The following DNAH1 variants were observed in gnomAD, a reference collection of about 807,000 sequenced individuals.
DNAH1 encodes the protein axonemal beta dynein heavy chain 1.
A neutral mutation model predicts 484.3 loss-of-function variants in DNAH1; 327 were observed. The ratio of observed to expected loss-of-function variants is 0.68; its 90% CI spans 0.62 to 0.74. DNAH1 has a LOEUF of 0.74. DNAH1 is among the 30% of genes least tolerant of loss of function. The probability of loss-of-function intolerance (pLI) is 0.00; values close to 1 mark genes in which losing one functional copy is unlikely to be tolerated. For synonymous variants in DNAH1, 2,192 were observed against 2,191.9 expected (o/e 1.00, Z 0.00); for missense variants, 5,052 against 5,546.8 (o/e 0.91, Z 2.83).
chr3:52,394,536 G>T lies in DNAH1; in HGVS notation c.10698G>T (p.Leu3566=). ...IMTENPAPDW[L]SDRAWRDILA... ...CTGAGAATCCGGCACCGGACTGGCT[G>T]TCAGACCGGGCTTGGCGAGACATCC... Residue 3566 remains leucine, a synonymous_variant, in exon 67 of 78, where the codon CTG becomes CTT. Coordinates refer to ENST00000420323, the MANE Select transcript of DNAH1 (RefSeq NM_015512.5). 1.2e-6 allele frequency: 2 copies of T among 1,614,022 alleles called. No homozygotes were observed. The highest frequency in any genetic ancestry group is 1.7e-6 in the Non-Finnish European group (2 of 1,179,872).
At position 52,372,151 on chromosome 3, in the gene DNAH1, C is replaced by T. The variant is rs1403419962; in HGVS notation, c.6666+65C>T. The T allele has an allele frequency of 1.9e-6, 3 of 1,610,014 alleles. No individual in the cohort carries two copies. The Admixed American group carries it at 5.0e-5, about 27-fold the overall frequency. On this transcript the variant is annotated intron_variant, in intron 42 of 77. Transcript: ENST00000420323. ...GCCTATATTGGGGGTTGACCAGCCT[C>T]CCACATGGATGCAGGGGCAGCTCCT...
At chr3:52,373,838 A>G (rs1463839367) in intron 44 of DNAH1, 3 of 1,413,552 alleles carry the variant, frequency 2.1e-6, no homozygotes, top group Non-Finnish European at 3.0e-6. Flanking sequence ...CTGTTTACCC[A>G]GAAGTAGTCC....
chr3:52,345,582 C>T lies in DNAH1; in HGVS notation c.1532C>T (p.Thr511Met), dbSNP rs200623391. The change falls in exon 10 of 78, where the codon ACG becomes ATG. Residue 511 changes from threonine to methionine, a missense_variant. By Grantham distance (81) the Thr-to-Met change is moderately conservative. Coordinates refer to ENST00000420323, the MANE Select transcript of DNAH1 (RefSeq NM_015512.5). ...VSLLTRPEVI[T>M]ALSKVRAECN... Reference sequence around the variant, plus strand: ...CTGCTCACACGGCCAGAGGTCATCACGGCCCTCAGCAAGGTGAGGGCCGAG... The same window carrying T: ...CTGCTCACACGGCCAGAGGTCATCATGGCCCTCAGCAAGGTGAGGGCCGAG... 8.4e-5 allele frequency: 134 copies of T among 1,602,130 alleles called. 1 individual carries two copies. Among genetic ancestry groups the T allele is most frequent in the Non-Finnish European group, 1.1e-4 (126 of 1,174,180 alleles).
At position 52,396,616 on chromosome 3, in the gene DNAH1, A is replaced by C; in HGVS notation, c.11431-2A>C. The stretch of plus-strand genomic sequence containing the variant: ...ACCTCCCCTGCCTCCCACCTCCCCC[A>C]GGTGATGGAGTTCAAGTCTCTGCTG... On this transcript the variant is annotated splice_acceptor_variant, in intron 71 of 77. Coordinates refer to ENST00000420323, the MANE Select transcript of DNAH1 (RefSeq NM_015512.5). LOFTEE classifies it high-confidence loss of function. 1.2e-6 allele frequency: 2 copies of C among 1,608,216 alleles called. No homozygotes were observed. The highest frequency in any genetic ancestry group is 2.2e-5 in the East Asian group (1 of 44,718).
At chr3:52,372,482 T>C in intron 43 of DNAH1, 95 bp downstream of exon 43, 2 of 1,520,318 alleles carry the variant, frequency 1.3e-6, no homozygotes, top group Non-Finnish European at 1.8e-6. Context: ...TGCTCCTGGG[T>C]TTGCCAGGAA....
chr3:52,391,375 G>T, intron 62 of DNAH1, 47 bp downstream of exon 62: 1 of 1,591,294 alleles, frequency 6.3e-7, no homozygotes. Context: ...CCTGGACAGG[G>T]CAGTCCCCTT....
intron 41 of DNAH1, 77 bp from the exon 42 acceptor site, chr3:52,371,869 A>C (rs1424495343): frequency 2.5e-6 from 4 of 1,572,192 alleles, no homozygotes; most frequent in African/African-American, 2.7e-5. Context: ...GCCCTTCTGC[A>C]CTTGGCCATG....
In DNAH1 at chr3:52,350,053, T is replaced by A; in HGVS notation, c.2591T>A (p.Leu864Gln). 1 of 1,613,316 alleles carries A rather than the reference T, an allele frequency of 6.2e-7. No homozygotes were observed. The highest frequency in any genetic ancestry group is 1.1e-5 in the South Asian group (1 of 90,908). ...IYEKPNSIEE[L>Q]AELREWMKGI... Reference sequence around the variant, plus strand: ...GAGAAGCCCAACAGCATTGAGGAGCTGGCTGAGCTGCGAGAGTGGATGAAG... The same window carrying A: ...GAGAAGCCCAACAGCATTGAGGAGCAGGCTGAGCTGCGAGAGTGGATGAAG... Residue 864 changes from leucine to glutamine, a missense_variant, in exon 15 of 78, where the codon CTG becomes CAG. Around this residue, in one of 4 missense-constraint regions of DNAH1, gnomAD observed 1,263 missense variants for 1,218.8 expected, o/e 1.04. Transcript: ENST00000420323.
chr3:52,352,615 G>A lies in DNAH1; in HGVS notation c.2935G>A (p.Val979Met), dbSNP rs1472560118. ...ISRAHEIANE[V>M]RRVKKQLKDC... is the part of the protein sequence containing the mutation. ...ACGTGCACACGAGATCGCCAACGAG[G>A]TGCGGCGTGTCAAGAAGCAGCTGAA... is the stretch of plus-strand genomic sequence containing the variant. Residue 979 changes from valine (V) to methionine (M), a missense_variant, in exon 18 of 78, where the codon GTG becomes ATG. Val to Met is a conservative substitution (Grantham distance 21, BLOSUM62 1). Around this residue, in one of 4 missense-constraint regions of DNAH1, gnomAD observed 2,929 missense variants for 3,409.4 expected, o/e 0.86. Transcript: ENST00000420323. 1 of 1,612,960 alleles carries A rather than the reference G, an allele frequency of 6.2e-7. No individual in the cohort carries two copies. The highest frequency in any genetic ancestry group is 8.5e-7 in the Non-Finnish European group (1 of 1,179,722).
At position 52,366,538 on chromosome 3, in the gene DNAH1, G is replaced by A; in HGVS notation, c.5600G>A (p.Gly1867Asp). ...GLMLVGPTGS[G>D]KSTCYRVLAA... ...ATGCTCGTCGGGCCCACAGGCTCCG[G>A]CAAGAGTACTGTAAGCAGAGCCAAG... Residue 1867 changes from glycine to aspartate, a missense_variant, in exon 35 of 78, where the codon GGC (glycine) becomes GAC (aspartate). By Grantham distance (94) the Gly-to-Asp change is moderately conservative (BLOSUM62 -1). Around this residue, in one of 4 missense-constraint regions of DNAH1, gnomAD observed 2,929 missense variants for 3,409.4 expected, o/e 0.86. Coordinates refer to ENST00000420323, the MANE Select transcript of DNAH1 (RefSeq NM_015512.5). 6.3e-7 allele frequency: 1 copy of A among 1,594,452 alleles called. No homozygotes were observed. The highest frequency in any genetic ancestry group is 8.5e-7 in the Non-Finnish European group (1 of 1,171,144).
Position 52,379,497 on chromosome 3 carries a change from G to A in DNAH1, c.7378-408G>A, listed in dbSNP as rs899309986. On this transcript the variant is annotated intron_variant, in intron 47 of 77. Transcript: ENST00000420323. This position sits in a 1 kb window ranked among gnomAD's most constrained non-coding sequence, Gnocchi z 4.4. ...GGTTCAGAGGAGATTGGTGGGTCAT[G>A]TCAGTGTGGCTTGGTGGGTGGTTAG... Among the ~76,000 whole-genome samples, 1 of 152,196 alleles carries A rather than the reference G, an allele frequency of 6.6e-6. No individual in the cohort carries two copies. Among genetic ancestry groups the A allele is most frequent in the Admixed American group, 6.5e-5 (1 of 15,286 alleles).
rs1459912858 is a variant in DNAH1, at chr3:52,344,620, AAGG to A, written c.1426_1428del (p.Glu476del). The A allele has an allele frequency of 6.2e-6, 10 of 1,613,788 alleles. No homozygotes were observed. The highest frequency in any genetic ancestry group is 2.2e-5 in the South Asian group (2 of 91,084). On this transcript the variant is annotated inframe_deletion, in exon 9 of 78. Transcript: ENST00000420323. ...CTTCTCCTACGTCACCCTCCCCAAG[AAGG>A]AGGAGGAGCAGGTGCCTGAGCGAGG... is the stretch of plus-strand genomic sequence containing the variant.
chr3:52,394,915 G>A lies in DNAH1; in HGVS notation c.10824G>A (p.Arg3608=), dbSNP rs1704551384. The change falls in exon 68 of 78, where the codon CGG becomes CGA. Residue 3608 remains arginine (R), a splice_region_variant and synonymous_variant. Transcript: ENST00000420323. ...AGGGAGGTGTGGGCCACTGTTGCAG[G>A]GAGCCTTTGCCTGGCATCTGGGACC... The part of the protein sequence containing the change: ...RVIFDSLEPH[R]EPLPGIWDQY... The A allele has an allele frequency of 6.2e-7, 1 of 1,613,332 alleles. No individual in the cohort carries two copies. The highest frequency in any genetic ancestry group is 1.3e-5 in the African/African-American group (1 of 75,042).
Position 52,362,246 on chromosome 3 carries a change from A to G in DNAH1, c.4981-142A>G. The G allele has an allele frequency of 1.5e-6, 1 of 681,942 alleles. No homozygotes were observed. Among genetic ancestry groups the G allele is most frequent in the Non-Finnish European group, 2.5e-6 (1 of 395,758 alleles). 42.2% of individuals were successfully genotyped at this position (681,942 alleles called of 1,614,324 possible). The stretch of plus-strand genomic sequence containing the variant: ...TTCAGGCCAGATCCTGAGAGAGGAT[A>G]CAACCCATGATCAGGGGTCCAGGCC... On this transcript the variant is annotated intron_variant, in intron 30 of 77. Coordinates refer to ENST00000420323, the MANE Select transcript of DNAH1 (RefSeq NM_015512.5). This position sits in a 1 kb window ranked among gnomAD's most constrained non-coding sequence, Gnocchi z 5.1.
At chr3:52,330,746 G>A (rs1396680196) in intron 6 of DNAH1, among the ~76,000 whole-genome samples, 2 of 152,188 alleles carry the variant, frequency 1.3e-5, no homozygotes, top group Non-Finnish European at 2.9e-5. Flanking sequence ...CTGTGGGGAG[G>A]GCTTCACCCT....
At chr3:52,340,643 C>T (rs138843344) in intron 8 of DNAH1, among the ~76,000 whole-genome samples, 2,204 of 152,066 alleles carry the variant, frequency 0.014, 65 homozygotes, top group African/African-American at 0.051. Flanking sequence ...CCATGTTGGC[C>T]AGGCTGGTCT....
intron 2 of DNAH1, among the ~76,000 whole-genome samples, chr3:52,323,120 C>T (rs1701210465): frequency 6.6e-6 from 1 of 152,252 alleles, no homozygotes; most frequent in Non-Finnish European, 1.5e-5. Context: ...AGACCCCTTC[C>T]CCTGGCTCTG....
intron 76 of DNAH1, 74 bp from the exon 77 acceptor site, chr3:52,399,471 A>G: frequency 7.6e-7 from 1 of 1,322,462 alleles, no homozygotes; most frequent in South Asian, 1.4e-5. Flanking sequence ...CTCTCTCAGA[A>G]GGGAGTTTTG....
At chr3:52,393,211 G>C in intron 65 of DNAH1, 123 bp from the exon 66 acceptor site, 2 of 1,508,400 alleles carry the variant, frequency 1.3e-6, no homozygotes, top group East Asian at 4.6e-5. Flanking sequence ...GGAACACCAA[G>C]TGCCCAAGAG....
Sources: allele counts gnomAD v4.1 joint callset (sites outside exome capture counted in the v4.1 genomes callset), GRCh38; gene constraint gnomAD v4.1.1; regional missense constraint gnomAD v4.1.1; non-coding constraint Gnocchi (gnomAD v3.1); transcripts MANE v1.5; gene names NCBI Gene and HGNC (gene_info 2026-07-23, HGNC 2026-07-21).